Variants in HECW2 observed in about 807,000 individuals in gnomAD.
HECW2 encodes HECT, C2 and WW domain containing E3 ubiquitin protein ligase 2, also known as E3 ubiquitin-protein ligase HECW2.
Under a neutral mutation model 175.2 loss-of-function variants are expected in HECW2, and 61 were observed. The observed-to-expected ratio is 0.35, with a 90% CI of 0.28 to 0.43. The LOEUF (loss-of-function observed/expected upper bound fraction) is 0.43, where lower values mean the gene tolerates loss of function less well. Ranked by LOEUF, HECW2 falls within the 20% of genes least tolerant of loss-of-function variation. HECW2 has a pLI of 1.00. For synonymous variants in HECW2, 671 were observed against 731.0 expected, an observed-to-expected ratio of 0.92 and a Z score of 1.32; for missense variants, 1,524 against 2,000.5, an observed-to-expected ratio of 0.76 and a Z score of 4.54.
chr2:196,456,678 G>A (rs1196306827), intron 1 of HECW2, among the ~76,000 whole-genome samples: 1 of 152,136 alleles, frequency 6.6e-6, no homozygotes, highest in African/African-American at 2.4e-5. Context: ...GGTCCAGATG[G>A]TCTTCTTTTT....
At chr2:196,348,769 G>A (rs562638393) in intron 2 of HECW2, among the ~76,000 whole-genome samples, 9 of 152,128 alleles carry the variant, frequency 5.9e-5, no homozygotes, top group Non-Finnish European at 8.8e-5. Context: ...TAAAGGTTCC[G>A]ACAAATCATA....
intron 2 of HECW2, among the ~76,000 whole-genome samples, chr2:196,350,754 C>T (rs1407239769): frequency 2.0e-5 from 3 of 148,084 alleles, no homozygotes; most frequent in Non-Finnish European, 2.9e-5. Context: ...GGATAAGGCA[C>T]ATAGATATAT....
intron 2 of HECW2, among the ~76,000 whole-genome samples, chr2:196,424,434 T>C (rs1264550409): frequency 6.6e-6 from 1 of 152,134 alleles, no homozygotes; most frequent in African/African-American, 2.4e-5. Flanking sequence ...GGAAGGCATC[T>C]CAAAAATTGA....
intron 13 of HECW2, among the ~76,000 whole-genome samples, chr2:196,297,441 C>T (rs1575377662): frequency 6.6e-6 from 1 of 152,154 alleles, no homozygotes; most frequent in African/African-American, 2.4e-5. Flanking sequence ...AATGTCATTG[C>T]CATTTGGCAG....
At chr2:196,527,200 G>C (rs1688693421) in intron 1 of HECW2, among the ~76,000 whole-genome samples, 1 of 152,202 alleles carries the variant, frequency 6.6e-6, no homozygotes, top group Admixed American at 6.5e-5. Flanking sequence ...TTTTAAGCTG[G>C]TCTGAAAAGC....
intron 2 of HECW2, among the ~76,000 whole-genome samples, chr2:196,427,511 C>T (rs1206985185): frequency 6.6e-6 from 1 of 152,134 alleles, no homozygotes. Flanking sequence ...TCTACATCCT[C>T]TTTAAACTGT....
chr2:196,240,763 T>C (rs1009338473), intron 20 of HECW2, among the ~76,000 whole-genome samples: 2 of 13,102 alleles, frequency 1.5e-4, no homozygotes, highest in Non-Finnish European at 6.3e-3. Flanking sequence ...GAGAGAATCA[T>C]TGGTAGAGTA....
intron 2 of HECW2, among the ~76,000 whole-genome samples, chr2:196,345,766 T>C (rs1206006191): frequency 2.0e-5 from 3 of 152,212 alleles, no homozygotes; most frequent in Admixed American, 6.5e-5. Flanking sequence ...TCTGACTTGA[T>C]CTGGAATCCT....
chr2:196,543,488 T>C (rs116489991), intron 1 of HECW2, among the ~76,000 whole-genome samples: 1,910 of 152,310 alleles, frequency 0.013, 40 homozygotes, highest in African/African-American at 0.044. Context: ...GATCTTATTA[T>C]AGATGTGCAG....
intron 21 of HECW2, among the ~76,000 whole-genome samples, chr2:196,235,300 A>G (rs986568768): frequency 6.6e-6 from 1 of 151,806 alleles, no homozygotes; most frequent in African/African-American, 2.4e-5. Context: ...GGGTTTCACC[A>G]TGAGTTAGCC....
At chr2:196,471,735 T>C (rs577955232) in intron 1 of HECW2, among the ~76,000 whole-genome samples, 5 of 152,066 alleles carry the variant, frequency 3.3e-5, no homozygotes, top group African/African-American at 7.2e-5. Flanking sequence ...AAATACTACA[T>C]GTTCTCACTT....
chr2:196,366,286 G>A (rs1430785139), intron 2 of HECW2, among the ~76,000 whole-genome samples: 1 of 152,150 alleles, frequency 6.6e-6, no homozygotes, highest in African/African-American at 2.4e-5. Context: ...CTTTCTTAAA[G>A]TTTTTCAGTT....
chr2:196,246,778 G>A (rs561698818), intron 19 of HECW2, among the ~76,000 whole-genome samples: 2 of 152,184 alleles, frequency 1.3e-5, no homozygotes, highest in Admixed American at 6.5e-5. Context: ...TTAAAAGGAC[G>A]TGGGAAATGC....
intron 1 of HECW2, among the ~76,000 whole-genome samples, chr2:196,572,361 T>G (rs1188633426): frequency 3.9e-5 from 6 of 152,012 alleles, no homozygotes; most frequent in Admixed American, 6.5e-5. Flanking sequence ...TTTTTAAATT[T>G]TTGTACAGAC....
At chr2:196,569,829 G>C (rs748771769) in intron 1 of HECW2, among the ~76,000 whole-genome samples, 35 of 152,218 alleles carry the variant, frequency 2.3e-4, no homozygotes, top group Non-Finnish European at 3.5e-4. Context: ...ATATGTGAAG[G>C]CACATGGAAA....
intron 1 of HECW2, among the ~76,000 whole-genome samples, chr2:196,479,140 G>A (rs1686761864): frequency 6.6e-6 from 1 of 152,126 alleles, no homozygotes; most frequent in African/African-American, 2.4e-5. Flanking sequence ...CAAGTTGATG[G>A]CAAAATAAGA....
chr2:196,450,378 G>T (rs1696309963), intron 1 of HECW2, among the ~76,000 whole-genome samples: 1 of 152,114 alleles, frequency 6.6e-6, no homozygotes, highest in Admixed American at 6.6e-5. Context: ...GAAGAAAGCT[G>T]GAAGAGGCAG....
chr2:196,245,287 G>A (rs1032070383), intron 19 of HECW2, among the ~76,000 whole-genome samples: 10 of 152,140 alleles, frequency 6.6e-5, no homozygotes, highest in Non-Finnish European at 1.3e-4. Flanking sequence ...TCTACGAAGC[G>A]GGTATTACTA....
chr2:196,351,239 A>C (rs1181730969), intron 2 of HECW2, among the ~76,000 whole-genome samples: 1 of 152,148 alleles, frequency 6.6e-6, no homozygotes, highest in South Asian at 2.1e-4. Flanking sequence ...AAAAACTTTA[A>C]ATTTTTTTTC....
Sources: gnomAD v4.1 joint callset for allele counts (sites outside exome capture counted in the v4.1 genomes callset) on GRCh38, gnomAD v4.1.1 for gene constraint, MANE v1.5 for transcripts, NCBI Gene and HGNC (gene_info 2026-07-23, HGNC 2026-07-21) for gene names.